The following MALT1 variants were observed in gnomAD, a reference collection of about 807,000 sequenced individuals.
The protein encoded by MALT1 is MALT1 paracaspase.
In MALT1, 36 loss-of-function variants were observed where a neutral mutation model predicts 85.5. The ratio of observed to expected loss-of-function variants is 0.42; its 90% CI spans 0.32 to 0.56. The LOEUF is 0.56. Among genes scored for constraint, MALT1 ranks in the 20% least tolerant of loss-of-function variants. MALT1 has a pLI of 0.10. For synonymous variants in MALT1, 359 were observed against 361.3 expected (o/e 0.99, Z 0.07); for missense variants, 716 against 981.6 (o/e 0.73, Z 3.62).
intron 10 of MALT1, among the ~76,000 whole-genome samples, chr18:58,731,958 C>T (rs911798054): frequency 6.6e-6 from 1 of 152,036 alleles, no homozygotes; most frequent in Non-Finnish European, 1.5e-5. Flanking sequence ...TTAGCTGAAA[C>T]GTATTTGAAA....
chr18:58,708,229 C>T (rs1020626872), intron 4 of MALT1, among the ~76,000 whole-genome samples: 3 of 152,228 alleles, frequency 2.0e-5, no homozygotes, highest in African/African-American at 4.8e-5. Flanking sequence ...TCTCCTCCTT[C>T]GCCTTCTGCA....
At chr18:58,696,236 A>G (rs1325965602) in intron 2 of MALT1, 130 bp from the exon 3 acceptor site, 6 of 689,596 alleles carry the variant, frequency 8.7e-6, no homozygotes, top group Non-Finnish European at 1.3e-5. Context: ...GGAGATGTGA[A>G]TGAGTGATTT....
chr18:58,734,133 G>GT (rs1478954318), intron 11 of MALT1, 174 bp from the exon 12 acceptor site: 2 of 1,300,648 alleles, frequency 1.5e-6, no homozygotes, highest in African/African-American at 3.0e-5. Context: ...CTAACAAGGA[G>GT]TTAGTGGGTT....
At chr18:58,705,883 C>A (rs1225918020) in intron 4 of MALT1, among the ~76,000 whole-genome samples, 1 of 152,076 alleles carries the variant, frequency 6.6e-6, no homozygotes, top group African/African-American at 2.4e-5. Flanking sequence ...AGTTCTAGAT[C>A]ACTGAGGAAT....
Position 58,723,125 on chromosome 18 carries a change from G to A in MALT1, c.1096G>A (p.Val366Met). 6.2e-7 allele frequency: 1 copy of A among 1,613,900 alleles called. No individual in the cohort carries two copies. Among genetic ancestry groups the A allele is most frequent in the Non-Finnish European group, 8.5e-7 (1 of 1,179,896 alleles). ...CAAGCTCAAAGCTCCTTTGGTGGATGTGTACGAATTGACTAACTTACTGAG... is the reference window on the plus strand; with the variant it reads ...CAAGCTCAAAGCTCCTTTGGTGGATATGTACGAATTGACTAACTTACTGAG... ...HPKLKAPLVDVYELTNLLRQL... is the reference protein window; with the variant it reads ...HPKLKAPLVDMYELTNLLRQL... Residue 366 changes from valine to methionine, a missense_variant, in exon 10 of 17, where the codon GTG becomes ATG. This residue lies in a region of MALT1 where 290 missense variants were observed against 380.5 expected (regional missense o/e 0.76). Coordinates refer to ENST00000649217, the MANE Select transcript of MALT1 (RefSeq NM_006785.4).
At position 58,700,675 on chromosome 18, in the gene MALT1, A is replaced by G; in HGVS notation, c.649+84A>G. ...TAAATGTTTACTTTTAAACAATTTC[A>G]AAGTATCAAAAAACATAGCAAAATT... On this transcript the variant is annotated intron_variant, in intron 4 of 16. Coordinates refer to ENST00000649217, the MANE Select transcript of MALT1 (RefSeq NM_006785.4). The G allele has an allele frequency of 2.4e-6, 3 of 1,242,740 alleles. No homozygotes were observed. In the Middle Eastern group the frequency reaches 8.3e-4, roughly 345 times the overall value. The allele number at this position is 1,242,740 out of a possible 1,614,324, so 77.0% of individuals were successfully genotyped here. A position where few individuals can be genotyped will look rare whatever the true frequency, so the allele number is the denominator to read the frequency against.
intron 2 of MALT1, among the ~76,000 whole-genome samples, chr18:58,687,398 T>TGACA (rs2144326033): frequency 6.6e-6 from 1 of 152,286 alleles, no homozygotes; most frequent in African/African-American, 2.4e-5. Flanking sequence ...CAGATTTCAA[T>TGACA]TGACATGTAA....
chr18:58,737,001 A>G (rs2055230582), intron 13 of MALT1, among the ~76,000 whole-genome samples: 1 of 152,200 alleles, frequency 6.6e-6, no homozygotes, highest in Non-Finnish European at 1.5e-5. Flanking sequence ...TTTTGAAACA[A>G]AACTTTGCTG....
chr18:58,701,308 C>T (rs80331749), intron 4 of MALT1, among the ~76,000 whole-genome samples: 8,237 of 152,128 alleles, frequency 0.054, 352 homozygotes, highest in East Asian at 0.22. Context: ...TCCATGGTCT[C>T]GAAATGTCTT....
intron 2 of MALT1, among the ~76,000 whole-genome samples, chr18:58,693,871 AT>A (rs1455866426): frequency 1.3e-5 from 2 of 152,146 alleles, no homozygotes; most frequent in African/African-American, 4.8e-5. Flanking sequence ...TATTTTTTAG[AT>A]TTATTACTTG....
chr18:58,680,211 G>C (rs920759558), intron 1 of MALT1, among the ~76,000 whole-genome samples: 1 of 152,090 alleles, frequency 6.6e-6, no homozygotes, highest in African/African-American at 2.4e-5. Flanking sequence ...AAATGATCTT[G>C]GTAATAACAA....
At chr18:58,683,647 T>G (rs1453409824) in intron 2 of MALT1, among the ~76,000 whole-genome samples, 1 of 152,220 alleles carries the variant, frequency 6.6e-6, no homozygotes, top group Non-Finnish European at 1.5e-5. Context: ...GGCCAGCAAC[T>G]AATAAAGTGC....
chr18:58,703,209 T>G (rs2054699376), intron 4 of MALT1, among the ~76,000 whole-genome samples: 1 of 151,870 alleles, frequency 6.6e-6, no homozygotes, highest in African/African-American at 2.4e-5. Flanking sequence ...ATACAAAAAT[T>G]AGCTGGGTGT....
intron 1 of MALT1, chr18:58,674,060 C>T (rs1160731857): frequency 6.6e-6 from 1 of 151,922 alleles, no homozygotes; most frequent in African/African-American, 2.4e-5. Flanking sequence ...ACGGTGCTAA[C>T]GAGTACTCTG....
In MALT1 at chr18:58,698,067, G is replaced by GTTTTTTTTTTTTTTT. The variant is rs796905674; in HGVS notation, c.498+1587_498+1588insTTTTTTTTTTTTTTT. Among the ~76,000 whole-genome samples the GTTTTTTTTTTTTTTT allele has an allele frequency of 4.0e-5, 3 of 74,962 alleles. 1 individual carries two copies. The highest frequency in any genetic ancestry group is 9.6e-5 in the Non-Finnish European group (3 of 31,164). 49.2% of individuals were successfully genotyped at this position (74,962 alleles called of 152,430 possible). A position where few individuals can be genotyped will look rare whatever the true frequency, so the allele number is the denominator to read the frequency against. Reference sequence around the variant, plus strand: ...GTTGTTGTTGTTGTTGTTTTGTTTTGTTTTTTTGTTTTTTTTTTGAGATGG... The same window carrying GTTTTTTTTTTTTTTT: ...GTTGTTGTTGTTGTTGTTTTGTTTTGTTTTTTTTTTTTTTTTTTTTTTGTTTTTTTTTTGAGATGG... On this transcript the variant is annotated intron_variant, in intron 3 of 16. Coordinates refer to ENST00000649217, the MANE Select transcript of MALT1 (RefSeq NM_006785.4).
intron 1 of MALT1, among the ~76,000 whole-genome samples, chr18:58,673,617 G>A (rs1406451274): frequency 1.3e-5 from 2 of 152,048 alleles, no homozygotes; most frequent in African/African-American, 2.4e-5. Context: ...ACTACAGCCC[G>A]CTAATTTTTT....
Position 58,671,664 on chromosome 18 carries a change from G to C in MALT1, c.21G>C (p.Pro7=). The stretch of plus-strand genomic sequence containing the variant: ...GGGCCATGTCGCTGTTGGGGGACCC[G>C]CTACAGGCCCTGCCGCCCTCGGCCG... MSLLGD[P]LQALPPSAAP... The change falls in exon 1 of 17, where the codon CCG becomes CCC. Residue 7 remains proline, a synonymous_variant. Transcript: ENST00000649217. The C allele has an allele frequency of 8.2e-7, 1 of 1,222,966 alleles. No homozygotes were observed. Among genetic ancestry groups the C allele is most frequent in the Non-Finnish European group, 1.0e-6 (1 of 982,354 alleles). 75.8% of individuals were successfully genotyped at this position (1,222,966 alleles called of 1,614,324 possible). A position where few individuals can be genotyped will look rare whatever the true frequency, so the allele number is the denominator to read the frequency against.
At chr18:58,693,144 G>C (rs563460655) in intron 2 of MALT1, among the ~76,000 whole-genome samples, 66 of 152,322 alleles carry the variant, frequency 4.3e-4, no homozygotes, top group African/African-American at 1.6e-3. Flanking sequence ...ATGGTGGCTC[G>C]TAATTGATCA....
Position 58,671,507 on chromosome 18 carries a change from A to C in MALT1, c.-137A>C. On this transcript the variant is annotated 5_prime_UTR_variant, in exon 1 of 17. Transcript: ENST00000649217. ...GCGGGGAGCGGAGCTTCCTCCTCTG[A>C]GGGCCGTGCCGCGCTGCCAGATTTG... The C allele has an allele frequency of 2.1e-6, 1 of 485,796 alleles. No individual in the cohort carries two copies. 30.1% of individuals were successfully genotyped at this position (485,796 alleles called of 1,614,324 possible).
Sources: gnomAD v4.1 joint callset for allele counts (sites outside exome capture counted in the v4.1 genomes callset) on GRCh38, gnomAD v4.1.1 for gene constraint, gnomAD v4.1.1 regional missense constraint, MANE v1.5 for transcripts, NCBI Gene and HGNC (gene_info 2026-07-23, HGNC 2026-07-21) for gene names.